ZYG11A: variants seen among roughly 807,000 people sequenced by gnomAD.
ZYG11A encodes the protein protein zyg-11 homolog A.
In ZYG11A, 62 loss-of-function variants were observed where a neutral mutation model predicts 77.2. That is an observed-to-expected ratio of 0.80 (90% CI 0.65 to 0.99). ZYG11A has a LOEUF of 0.99. ZYG11A is among the 50% of genes least tolerant of loss of function. The pLI is 0.00. For missense variants in ZYG11A, 828 were observed against 896.8 expected, an observed-to-expected ratio of 0.92 and a Z score of 0.98; for synonymous variants, 315 against 324.6, an observed-to-expected ratio of 0.97 and a Z score of 0.32.
chr1:52,890,319 C>T (rs1646523929), intron 13 of ZYG11A, among the ~76,000 whole-genome samples: 2 of 123,634 alleles, frequency 1.6e-5, no homozygotes, highest in African/African-American at 3.2e-5. Context: ...GGCGTGATCT[C>T]TGCCTCATAG....
At chr1:52,866,211 A>T (rs1646024298) in intron 5 of ZYG11A, among the ~76,000 whole-genome samples, 1 of 152,168 alleles carries the variant, frequency 6.6e-6, no homozygotes, top group African/African-American at 2.4e-5. Flanking sequence ...TGCTGGGATT[A>T]CAGGCATGAG....
At chr1:52,892,704 A>T in intron 13 of ZYG11A, 78 bp from the exon 14 acceptor site, 1 of 1,249,328 alleles carries the variant, frequency 8.0e-7, no homozygotes, top group Non-Finnish European at 1.1e-6. Context: ...TTGTTTCTTC[A>T]GCAAGGTGAA....
chr1:52,887,898 G>C (rs1054607744), intron 13 of ZYG11A, among the ~76,000 whole-genome samples: 1 of 151,964 alleles, frequency 6.6e-6, no homozygotes, highest in Non-Finnish European at 1.5e-5. Flanking sequence ...CCTTTGTTGA[G>C]ACTTGTTATA....
chr1:52,849,427 G>A (rs1442691892), intron 1 of ZYG11A, among the ~76,000 whole-genome samples: 2 of 151,358 alleles, frequency 1.3e-5, no homozygotes, highest in Non-Finnish European at 2.9e-5. Context: ...GCAGTGGCGC[G>A]ATCTCCGCTC....
At chr1:52,870,572 T>C (rs541171094) in intron 8 of ZYG11A, among the ~76,000 whole-genome samples, 5 of 152,258 alleles carry the variant, frequency 3.3e-5, no homozygotes, top group Non-Finnish European at 7.4e-5. Flanking sequence ...CTGGGCACCA[T>C]TGAGCGCTGA....
chr1:52,889,624 A>C (rs1646506546), intron 13 of ZYG11A, among the ~76,000 whole-genome samples: 1 of 151,534 alleles, frequency 6.6e-6, no homozygotes, highest in Non-Finnish European at 1.5e-5. Context: ...TAATAAATAT[A>C]TTTTAGTTCT....
At chr1:52,862,846 T>G (rs988414137) in intron 4 of ZYG11A, among the ~76,000 whole-genome samples, 1 of 152,166 alleles carries the variant, frequency 6.6e-6, no homozygotes, top group Non-Finnish European at 1.5e-5. Context: ...TGGCATGATA[T>G]GATCTCAGCC....
intron 13 of ZYG11A, among the ~76,000 whole-genome samples, chr1:52,892,524 G>C (rs1646562608): frequency 6.7e-6 from 1 of 150,274 alleles, no homozygotes; most frequent in South Asian, 2.1e-4. Flanking sequence ...GCAAAACTCT[G>C]TCTCAAAAAA....
intron 8 of ZYG11A, among the ~76,000 whole-genome samples, chr1:52,870,963 A>G (rs1646152391): frequency 6.6e-6 from 1 of 151,776 alleles, no homozygotes; most frequent in South Asian, 2.1e-4. Flanking sequence ...GGGTGCATGT[A>G]TTTTCTCCCA....
At chr1:52,850,582 T>A (rs549594878) in intron 1 of ZYG11A, among the ~76,000 whole-genome samples, 1 of 152,092 alleles carries the variant, frequency 6.6e-6, no homozygotes, top group Non-Finnish European at 1.5e-5. Flanking sequence ...CCTCCCAAAG[T>A]GTTGGGATTA....
chr1:52,846,306 A>ATTTT (rs1266242773), intron 1 of ZYG11A, among the ~76,000 whole-genome samples: 1 of 29,542 alleles, frequency 3.4e-5, no homozygotes, highest in Non-Finnish European at 6.8e-5. Context: ...GGCTTTTTAA[A>ATTTT]TTTTTATATA....
intron 2 of ZYG11A, among the ~76,000 whole-genome samples, chr1:52,854,890 G>A (rs1399113162): frequency 1.3e-5 from 2 of 149,394 alleles, no homozygotes; most frequent in African/African-American, 4.9e-5. Flanking sequence ...TTTTTGAGAC[G>A]GATTTTCACC....
Position 52,857,377 on chromosome 1 carries a change from C to G in ZYG11A, c.636C>G (p.Ile212Met). ...SQLPRLESLDISNTLVTDISA... is the reference protein window; with the variant it reads ...SQLPRLESLDMSNTLVTDISA... ...TACCAAGACTGGAAAGCTTAGATAT[C>G]TCTAATACTCTAGTCACTGATATTT... Residue 212 changes from isoleucine to methionine, a missense_variant, in exon 3 of 14, where the codon ATC becomes ATG. By Grantham distance (10) the Ile-to-Met change is conservative. Transcript: ENST00000371528. 6.4e-7 allele frequency: 1 copy of G among 1,551,740 alleles called. No individual in the cohort carries two copies. The highest frequency in any genetic ancestry group is 8.7e-7 in the Non-Finnish European group (1 of 1,146,994).
At chr1:52,851,915 T>C (rs942816066) in intron 1 of ZYG11A, among the ~76,000 whole-genome samples, 1 of 109,856 alleles carries the variant, frequency 9.1e-6, no homozygotes, top group South Asian at 2.6e-4. Context: ...GCCTTCCTAA[T>C]TTTTTTTTTT....
intron 8 of ZYG11A, among the ~76,000 whole-genome samples, chr1:52,869,942 TGGCTGGCCGGGCGGG>T (rs1646115145): frequency 2.2e-5 from 1 of 46,172 alleles, no homozygotes; most frequent in African/African-American, 6.0e-5. Flanking sequence ...CCAGACAGGG[TGGCTGGCCGGGCGGG>T]GGGCTGACCC....
chr1:52,843,186 T>C (rs534070), intron 1 of ZYG11A, among the ~76,000 whole-genome samples: 17 of 151,144 alleles, frequency 1.1e-4, no homozygotes, highest in African/African-American at 3.9e-4. Context: ...GAGCGGGGGG[T>C]GCTTTTCTGC....
At chr1:52,883,357 C>T (rs2150019548) in intron 11 of ZYG11A, among the ~76,000 whole-genome samples, 1 of 152,138 alleles carries the variant, frequency 6.6e-6, no homozygotes, top group South Asian at 2.1e-4. Flanking sequence ...CTCCTGACCT[C>T]AAGTGATCCA....
At chr1:52,869,390 G>A (rs75263765) in intron 8 of ZYG11A, among the ~76,000 whole-genome samples, 5 of 151,356 alleles carry the variant, frequency 3.3e-5, no homozygotes, top group South Asian at 2.1e-4. Flanking sequence ...AGGACCCTGC[G>A]GCCTTCCGCA....
intron 10 of ZYG11A, among the ~76,000 whole-genome samples, chr1:52,879,765 T>TAATTA (rs1233683609): frequency 6.6e-6 from 1 of 150,376 alleles, no homozygotes; most frequent in Non-Finnish European, 1.5e-5. Context: ...TTTATTTATT[T>TAATTA]ATTTATTTAT....
Sources: gnomAD v4.1 joint callset for allele counts (sites outside exome capture counted in the v4.1 genomes callset) on GRCh38, gnomAD v4.1.1 for gene constraint, MANE v1.5 for transcripts, NCBI Gene and HGNC (gene_info 2026-07-23, HGNC 2026-07-21) for gene names.